The following WWOX variants were observed in gnomAD, a reference collection of about 807,000 sequenced individuals.
WWOX encodes WW domain containing oxidoreductase.
WWOX carries 69 observed loss-of-function variants against 46.2 expected under a neutral mutation model. That is an observed-to-expected ratio of 1.49 (90% CI 1.23 to 1.82). The LOEUF is 1.82. Among genes scored for constraint, WWOX ranks in the 40% most tolerant of loss-of-function variants. The pLI, the probability that WWOX is intolerant of heterozygous loss-of-function variation, is 0.00. For synonymous variants in WWOX, 359 were observed against 202.6 expected, an observed-to-expected ratio of 1.77 and a Z score of -6.56; for missense variants, 919 against 542.6, an observed-to-expected ratio of 1.69 and a Z score of -6.89.
At position 78,957,980 on chromosome 16, in the gene WWOX, T is replaced by A. The variant is rs115483969; in HGVS notation, c.1057-253628T>A. 2.5e-3 allele frequency among the ~76,000 whole-genome samples: 387 copies of A among 152,328 alleles called. 1 individual carries two copies. The highest frequency in any genetic ancestry group is 8.9e-3 in the African/African-American group (371 of 41,574). ...TGCAAATCTCAGTGCCCTCTCACTT[T>A]CGTTTTATTTAATGCGTTTCTACAT... On this transcript the variant is annotated intron_variant, in intron 8 of 8. Transcript: ENST00000566780.
At chr16:79,049,715 A>C (rs997958133) in intron 8 of WWOX, among the ~76,000 whole-genome samples, 1 of 151,994 alleles carries the variant, frequency 6.6e-6, no homozygotes, top group Non-Finnish European at 1.5e-5. Flanking sequence ...CGGCGCCTGT[A>C]ATCCCAGCCA....
At chr16:78,916,172 C>A (rs1038211988) in intron 8 of WWOX, among the ~76,000 whole-genome samples, 1 of 152,202 alleles carries the variant, frequency 6.6e-6, no homozygotes, top group Non-Finnish European at 1.5e-5. Flanking sequence ...GAATCCTAAA[C>A]ACGCTGCACA....
chr16:78,224,996 G>T (rs1269372524), intron 5 of WWOX, among the ~76,000 whole-genome samples: 3 of 152,130 alleles, frequency 2.0e-5, no homozygotes, highest in Admixed American at 1.3e-4. Context: ...CTATTTAAAT[G>T]TTCAAGACAT....
intron 8 of WWOX, among the ~76,000 whole-genome samples, chr16:78,713,344 A>G (rs1255985083): frequency 6.9e-6 from 1 of 144,546 alleles, no homozygotes; most frequent in African/African-American, 2.5e-5. Context: ...GCATGGTGTG[A>G]GCTGGAGTAG....
At chr16:78,402,086 C>CT (rs2082425831) in intron 6 of WWOX, among the ~76,000 whole-genome samples, 3 of 152,188 alleles carry the variant, frequency 2.0e-5, no homozygotes, top group Non-Finnish European at 4.4e-5. Context: ...AATTGCAGAA[C>CT]AATTTCATCA....
intron 8 of WWOX, among the ~76,000 whole-genome samples, chr16:78,584,525 G>A (rs557545516): frequency 7.9e-5 from 12 of 152,170 alleles, no homozygotes; most frequent in Non-Finnish European, 1.8e-4. Context: ...GGCATATAAC[G>A]GGAGCCCATT....
intron 8 of WWOX, among the ~76,000 whole-genome samples, chr16:78,893,336 C>A (rs1364536185): frequency 6.6e-6 from 1 of 152,162 alleles, no homozygotes; most frequent in African/African-American, 2.4e-5. Flanking sequence ...TTTCGCCTGT[C>A]CCCTCTCACA....
At chr16:78,408,614 A>G (rs994281107) in intron 6 of WWOX, among the ~76,000 whole-genome samples, 13 of 152,192 alleles carry the variant, frequency 8.5e-5, no homozygotes. Flanking sequence ...GTAGCTATCT[A>G]TTGGTAAGAA....
At chr16:78,453,780 A>G (rs1228568588) in intron 8 of WWOX, among the ~76,000 whole-genome samples, 3 of 152,196 alleles carry the variant, frequency 2.0e-5, no homozygotes, top group African/African-American at 7.2e-5. Context: ...GTTTTTAAAC[A>G]GTGCGAAGAT....
At chr16:78,966,113 G>A (rs887394963) in intron 8 of WWOX, among the ~76,000 whole-genome samples, 1 of 152,174 alleles carries the variant, frequency 6.6e-6, no homozygotes, top group Admixed American at 6.5e-5. Flanking sequence ...TTACCTATCA[G>A]CTAAAGAACC....
At chr16:78,826,453 C>G (rs1400963892) in intron 8 of WWOX, among the ~76,000 whole-genome samples, 2 of 152,202 alleles carry the variant, frequency 1.3e-5, no homozygotes, top group Non-Finnish European at 2.9e-5. Context: ...GAATCTGTTC[C>G]TTGCATCTTT....
intron 5 of WWOX, among the ~76,000 whole-genome samples, chr16:78,309,573 G>A (rs1399255156): frequency 1.3e-5 from 2 of 152,090 alleles, no homozygotes; most frequent in Admixed American, 6.5e-5. Context: ...TTCCCCTAAA[G>A]TGTATAAAAT....
Position 78,955,773 on chromosome 16 carries a change from G to A in WWOX, c.1057-255835G>A, listed in dbSNP as rs143699679. Among the ~76,000 whole-genome samples the A allele has an allele frequency of 7.9e-5, 12 of 151,340 alleles. No homozygotes were observed. In the East Asian group the frequency reaches 2.2e-3, roughly 27 times the overall value. ...AGCAGTTCTCCTGCCTCAGCCTCCC[G>A]AGTAGCTGGGACTACGGTTGTACAT... On this transcript the variant is annotated intron_variant, in intron 8 of 8. Transcript: ENST00000566780.
At chr16:78,700,746 G>C (rs1442820284) in intron 8 of WWOX, among the ~76,000 whole-genome samples, 1 of 152,194 alleles carries the variant, frequency 6.6e-6, no homozygotes, top group Non-Finnish European at 1.5e-5. Flanking sequence ...CTAGAACCAG[G>C]GATTGGAGGA....
At chr16:78,921,416 G>C (rs7204043) in intron 8 of WWOX, among the ~76,000 whole-genome samples, 1 of 152,104 alleles carries the variant, frequency 6.6e-6, no homozygotes, top group Non-Finnish European at 1.5e-5. Flanking sequence ...TAGGAGAGTA[G>C]ATAGAATCCT....
chr16:78,314,688 G>GGTTTTTTT (rs1555517825), intron 5 of WWOX, among the ~76,000 whole-genome samples: 3 of 90,508 alleles, frequency 3.3e-5, no homozygotes, highest in African/African-American at 1.5e-4. Context: ...CCCTGCAGGG[G>GGTTTTTTT]TTTTTTTTTT....
At chr16:78,103,399 A>G (rs1200372105) in intron 1 of WWOX, among the ~76,000 whole-genome samples, 1 of 151,766 alleles carries the variant, frequency 6.6e-6, no homozygotes, top group Non-Finnish European at 1.5e-5. Flanking sequence ...TGCATTAGCT[A>G]TTTATTGTAT....
chr16:78,253,428 G>A (rs2038037373), intron 5 of WWOX, among the ~76,000 whole-genome samples: 1 of 152,108 alleles, frequency 6.6e-6, no homozygotes, highest in Admixed American at 6.5e-5. Flanking sequence ...TATGATGTTC[G>A]CTTTATAGCT....
intron 8 of WWOX, among the ~76,000 whole-genome samples, chr16:78,806,388 A>G (rs1567573266): frequency 6.6e-6 from 1 of 152,192 alleles, no homozygotes; most frequent in African/African-American, 2.4e-5. Context: ...TTAAAACAAC[A>G]ACATTTATTT....
Sources: allele counts gnomAD v4.1 joint callset (sites outside exome capture counted in the v4.1 genomes callset), GRCh38; gene constraint gnomAD v4.1.1; transcripts MANE v1.5; gene names NCBI Gene and HGNC (gene_info 2026-07-23, HGNC 2026-07-21).